The following MAU2 variants were observed in gnomAD, a reference collection of about 807,000 sequenced individuals.
The protein encoded by MAU2 is MAU2 sister chromatid cohesion factor.
In MAU2, 9 loss-of-function variants were observed where a neutral mutation model predicts 89.1. The observed-to-expected ratio is 0.10, with a 90% CI of 0.06 to 0.18. MAU2 has a LOEUF of 0.18. MAU2 is among the 10% of genes least tolerant of loss of function. The probability of loss-of-function intolerance (pLI) is 1.00; values close to 1 mark genes in which losing one functional copy is unlikely to be tolerated. For missense variants in MAU2, 425 were observed against 803.5 expected (o/e 0.53, Z 5.69); for synonymous variants, 357 against 343.4 (o/e 1.04, Z -0.44).
chr19:19,355,522 G>A (rs1273890339), intron 18 of MAU2, 131 bp downstream of exon 18: 3 of 1,392,740 alleles, frequency 2.2e-6, no homozygotes, highest in Admixed American at 2.1e-5. Flanking sequence ...TCCCTTGATG[G>A]GGGAGATGGC....
At chr19:19,347,556 A>G in intron 13 of MAU2, 190 bp downstream of exon 13, 1 of 573,558 alleles carries the variant, frequency 1.7e-6, no homozygotes. Context: ...GGGGGAGGCC[A>G]GGTCTGGGAC....
At chr19:19,349,480 C>T in intron 16 of MAU2, 44 bp downstream of exon 16, 1 of 1,560,882 alleles carries the variant, frequency 6.4e-7, no homozygotes, top group Non-Finnish European at 8.8e-7. Flanking sequence ...GCCTGTGGGG[C>T]TTGGCTGAGG....
chr19:19,330,937 T>C (rs2061550549), intron 1 of MAU2, among the ~76,000 whole-genome samples: 3 of 152,124 alleles, frequency 2.0e-5, no homozygotes, highest in South Asian at 4.1e-4. Flanking sequence ...TACTTTGGTT[T>C]TAAGGAATAA....
rs2061682542 is a variant in MAU2, at chr19:19,345,109, A to G, written c.1155+183A>G. On this transcript the variant is annotated intron_variant, in intron 11 of 18. Coordinates refer to ENST00000262815, the MANE Select transcript of MAU2 (RefSeq NM_015329.4). The surrounding 1 kb of genome is among the most constrained non-coding windows in gnomAD (Gnocchi z 4.9). ...ACGATCCGGAATGCTCCCAGTGAGC[A>G]TCTTGTCCCACCCCACATTGGCTTG... 1 of 720,288 alleles carries G rather than the reference A, an allele frequency of 1.4e-6. No homozygotes were observed. Among genetic ancestry groups the G allele is most frequent in the Middle Eastern group, 2.4e-4 (1 of 4,190 alleles). 44.6% of individuals were successfully genotyped at this position (720,288 alleles called of 1,614,324 possible).
chr19:19,334,344 A>C (rs1021705133), intron 1 of MAU2: 27 of 985,574 alleles, frequency 2.7e-5, no homozygotes, highest in Non-Finnish European at 3.3e-5. Flanking sequence ...GTGTGGGTGC[A>C]TGTGTGTCAG....
intron 1 of MAU2, among the ~76,000 whole-genome samples, chr19:19,323,036 GTGCGC>G (rs1555792399): frequency 3.6e-5 from 5 of 137,548 alleles, no homozygotes; most frequent in South Asian, 2.4e-4. Flanking sequence ...GACTACAGGT[GTGCGC>G]CACCACACCC....
intron 3 of MAU2, 63 bp from the exon 4 acceptor site, chr19:19,337,107 A>AGCTG: frequency 7.7e-7 from 1 of 1,291,220 alleles, no homozygotes; most frequent in African/African-American, 1.5e-5. Context: ...TAAGGAATCC[A>AGCTG]GCTTGATTGC....
chr19:19,357,868 C>T lies in MAU2; in HGVS notation c.*2086C>T, dbSNP rs778850263. Reference sequence around the variant, plus strand: ...AGCCGCATCTTCTCATGACACAAAGCTTTTGATAAGTACTTTCCTGTGGGT... The same window carrying T: ...AGCCGCATCTTCTCATGACACAAAGTTTTTGATAAGTACTTTCCTGTGGGT... On this transcript the variant is annotated 3_prime_UTR_variant, in exon 19 of 19. Coordinates refer to ENST00000262815, the MANE Select transcript of MAU2 (RefSeq NM_015329.4). The T allele has an allele frequency of 2.0e-5, 3 of 152,062 alleles. No homozygotes were observed. The highest frequency in any genetic ancestry group is 6.6e-5 in the Admixed American group (1 of 15,236). 9.4% of individuals were successfully genotyped at this position (152,062 alleles called of 1,614,324 possible).
At chr19:19,332,847 C>G (rs1289285512) in intron 1 of MAU2, among the ~76,000 whole-genome samples, 1 of 152,120 alleles carries the variant, frequency 6.6e-6, no homozygotes, top group African/African-American at 2.4e-5. Context: ...GAGGCTAAGG[C>G]GAGCAGATCA....
At chr19:19,342,136 C>T (rs572135012) in intron 7 of MAU2, among the ~76,000 whole-genome samples, 207 of 152,260 alleles carry the variant, frequency 1.4e-3, no homozygotes, top group African/African-American at 4.6e-3. Flanking sequence ...GGCCTCAGGG[C>T]GAGATGGACC....
At chr19:19,323,707 C>T (rs1599885190) in intron 1 of MAU2, among the ~76,000 whole-genome samples, 1 of 152,040 alleles carries the variant, frequency 6.6e-6, no homozygotes, top group Admixed American at 6.6e-5. Context: ...AGGGCTTGAA[C>T]TCCTGAGCTC....
At chr19:19,335,186 C>T (rs1480586203) in intron 1 of MAU2, among the ~76,000 whole-genome samples, 1 of 152,228 alleles carries the variant, frequency 6.6e-6, no homozygotes, top group African/African-American at 2.4e-5. Flanking sequence ...GAGCCCCCTC[C>T]CTCCCCTCTG....
At chr19:19,340,507 C>T (rs1159251372) in intron 5 of MAU2, among the ~76,000 whole-genome samples, 7 of 151,464 alleles carry the variant, frequency 4.6e-5, no homozygotes, top group African/African-American at 1.5e-4. Flanking sequence ...GGCGTGGTGG[C>T]GGGCGCCTGT....
intron 1 of MAU2, among the ~76,000 whole-genome samples, chr19:19,334,896 C>T (rs1208169241): frequency 6.6e-6 from 1 of 152,094 alleles, no homozygotes; most frequent in African/African-American, 2.4e-5. Flanking sequence ...TGCTGTGCTC[C>T]GGATCCACCT....
rs954327988 is a variant in MAU2, at chr19:19,345,199, C to T, written c.1156-105C>T. 167 of 1,016,172 alleles carry T rather than the reference C, an allele frequency of 1.6e-4. No individual in the cohort carries two copies. The highest frequency in any genetic ancestry group is 2.5e-4 in the Non-Finnish European group (160 of 650,180). 62.9% of individuals were successfully genotyped at this position (1,016,172 alleles called of 1,614,324 possible). ...GCAGCTGGCTCGGTAGAGCCATTGT[C>T]ATACTCCTCCAGGGCAGCCGTGCAG... On this transcript the variant is annotated intron_variant, in intron 11 of 18. Coordinates refer to ENST00000262815, the MANE Select transcript of MAU2 (RefSeq NM_015329.4). The surrounding 1 kb of genome is among the most constrained non-coding windows in gnomAD (Gnocchi z 4.9).
At chr19:19,339,992 C>T (rs968390760) in intron 5 of MAU2, among the ~76,000 whole-genome samples, 6 of 151,544 alleles carry the variant, frequency 4.0e-5, no homozygotes, top group Non-Finnish European at 8.8e-5. Flanking sequence ...GGTGAAACCC[C>T]GTCTCTACTA....
At chr19:19,333,723 G>C (rs891335437) in intron 1 of MAU2, among the ~76,000 whole-genome samples, 7 of 152,246 alleles carry the variant, frequency 4.6e-5, no homozygotes, top group Non-Finnish European at 1.0e-4. Flanking sequence ...CCCAAAGGGA[G>C]GAGGGGGAAT....
chr19:19,339,273 C>A (rs1419101071), intron 5 of MAU2, among the ~76,000 whole-genome samples: 2 of 152,044 alleles, frequency 1.3e-5, no homozygotes, highest in Non-Finnish European at 2.9e-5. Flanking sequence ...CATGGTGAAA[C>A]CTGTTTCTAC....
chr19:19,334,143 A>G (rs2061577884), intron 1 of MAU2: 1 of 984,450 alleles, frequency 1.0e-6, no homozygotes, highest in Admixed American at 6.2e-5. Flanking sequence ...CTTCTGTTGC[A>G]TCACACACGT....
Sources: allele counts gnomAD v4.1 joint callset (sites outside exome capture counted in the v4.1 genomes callset), GRCh38; gene constraint gnomAD v4.1.1; non-coding constraint Gnocchi (gnomAD v3.1); transcripts MANE v1.5; gene names NCBI Gene and HGNC (gene_info 2026-07-23, HGNC 2026-07-21).